Variants in ZNF804B observed in about 807,000 individuals in gnomAD.
ZNF804B encodes zinc finger protein 804B.
A neutral mutation model predicts 101.4 loss-of-function variants in ZNF804B; 80 were observed. The observed-to-expected ratio is 0.79, with a 90% confidence interval of 0.66 to 0.95. ZNF804B has a LOEUF of 0.95. Ranked by LOEUF, ZNF804B falls within the 40% of genes least tolerant of loss-of-function variation. ZNF804B has a pLI of 0.00. For synonymous variants in ZNF804B, 622 were observed against 558.8 expected (o/e 1.11, Z -1.59); for missense variants, 1,673 against 1,561.9 (o/e 1.07, Z -1.20).
chr7:88,810,343 T>C (rs77681874), intron 1 of ZNF804B, among the ~76,000 whole-genome samples: 3,198 of 151,996 alleles, frequency 0.021, 105 homozygotes, highest in African/African-American at 0.073. Flanking sequence ...TTAAAGACAA[T>C]GTAAAAGTGT....
intron 1 of ZNF804B, among the ~76,000 whole-genome samples, chr7:88,854,728 A>G (rs1284844624): frequency 6.8e-6 from 1 of 146,900 alleles, no homozygotes; most frequent in East Asian, 2.1e-4. Flanking sequence ...AACATTAGGT[A>G]TATCTCCTAA....
At chr7:88,942,346 A>C (rs369340780) in intron 1 of ZNF804B, among the ~76,000 whole-genome samples, 1 of 152,010 alleles carries the variant, frequency 6.6e-6, no homozygotes, top group South Asian at 2.1e-4. Context: ...GTGCTATTAT[A>C]GTTTTCATAA....
chr7:88,786,580 T>C (rs1790306202), intron 1 of ZNF804B, among the ~76,000 whole-genome samples: 1 of 152,102 alleles, frequency 6.6e-6, no homozygotes. Flanking sequence ...TTTTCTTTCC[T>C]AGGAGTTCCT....
chr7:88,887,595 T>C (rs1792147665), intron 1 of ZNF804B, among the ~76,000 whole-genome samples: 1 of 152,168 alleles, frequency 6.6e-6, no homozygotes, highest in Non-Finnish European at 1.5e-5. Flanking sequence ...TGTGCAGCCT[T>C]ATTTCTGAGC....
chr7:89,221,691 T>TTTCTATTCTG (rs1789005681), intron 2 of ZNF804B, among the ~76,000 whole-genome samples: 1 of 142,500 alleles, frequency 7.0e-6, no homozygotes, highest in South Asian at 2.3e-4. Context: ...TTCCTCAATA[T>TTTCTATTCTG]TTCTATTCTA....
At chr7:89,085,715 T>C (rs1789788886) in intron 1 of ZNF804B, among the ~76,000 whole-genome samples, 1 of 151,968 alleles carries the variant, frequency 6.6e-6, no homozygotes, top group African/African-American at 2.4e-5. Context: ...AGGTAAGTAA[T>C]TGTCTTCTGA....
chr7:88,919,516 T>A (rs1792688781), intron 1 of ZNF804B, among the ~76,000 whole-genome samples: 1 of 152,116 alleles, frequency 6.6e-6, no homozygotes, highest in Admixed American at 6.6e-5. Context: ...GCACTCTCTA[T>A]TAAAACAAAG....
intron 1 of ZNF804B, among the ~76,000 whole-genome samples, chr7:88,867,968 T>A (rs1791757672): frequency 6.6e-6 from 1 of 152,072 alleles, no homozygotes; most frequent in South Asian, 2.1e-4. Context: ...TACTAATATA[T>A]AATGTCTGTT....
chr7:89,156,054 TTC>T (rs1199842894), intron 1 of ZNF804B, among the ~76,000 whole-genome samples: 5 of 74,790 alleles, frequency 6.7e-5, no homozygotes, highest in Admixed American at 6.2e-4. Context: ...CTTTCTTTCT[TTC>T]TTTCTTTCTT....
chr7:88,981,538 C>G (rs1470710462), intron 1 of ZNF804B, among the ~76,000 whole-genome samples: 3 of 152,056 alleles, frequency 2.0e-5, no homozygotes, highest in Non-Finnish European at 4.4e-5. Context: ...TCCAAGTCCA[C>G]TGGCTCTGAA....
intron 2 of ZNF804B, among the ~76,000 whole-genome samples, chr7:89,289,186 A>G (rs568481671): frequency 6.0e-4 from 91 of 152,314 alleles, no homozygotes; most frequent in African/African-American, 2.1e-3. Context: ...CAAAACAGGT[A>G]GAAGAAATTT....
intron 1 of ZNF804B, among the ~76,000 whole-genome samples, chr7:88,858,761 A>G (rs1791607939): frequency 6.6e-6 from 1 of 152,160 alleles, no homozygotes; most frequent in Non-Finnish European, 1.5e-5. Flanking sequence ...GCGTGGATAA[A>G]CATAGTTATT....
At chr7:89,245,046 C>T (rs1789423335) in intron 2 of ZNF804B, among the ~76,000 whole-genome samples, 1 of 152,052 alleles carries the variant, frequency 6.6e-6, no homozygotes, top group African/African-American at 2.4e-5. Flanking sequence ...ATCTCATGGA[C>T]AAAATTCACA....
chr7:88,877,378 G>A (rs1791969732), intron 1 of ZNF804B, among the ~76,000 whole-genome samples: 1 of 151,780 alleles, frequency 6.6e-6, no homozygotes, highest in African/African-American at 2.4e-5. Context: ...TTAGAAAGAA[G>A]CAATTTGGAA....
chr7:89,052,855 T>A (rs1435638291), intron 1 of ZNF804B, among the ~76,000 whole-genome samples: 1 of 152,162 alleles, frequency 6.6e-6, no homozygotes, highest in Non-Finnish European at 1.5e-5. Context: ...AGTTTAAGAG[T>A]GTATGAACAC....
In ZNF804B at chr7:89,155,618, G is replaced by A. The variant is rs1232615078; in HGVS notation, c.109-62537G>A. Among the ~76,000 whole-genome samples the A allele has an allele frequency of 2.0e-5, 3 of 152,098 alleles. No homozygotes were observed. The South Asian group carries it at 6.2e-4, about 32-fold the overall frequency. ...GAATCAGGTATGTATCATGGCAAATGGGGGCCCTTCATTATCTGGCTCTGT... is the reference window on the plus strand; with the variant it reads ...GAATCAGGTATGTATCATGGCAAATAGGGGCCCTTCATTATCTGGCTCTGT... On this transcript the variant is annotated intron_variant, in intron 1 of 3. Coordinates refer to ENST00000333190, the MANE Select transcript of ZNF804B (RefSeq NM_181646.5).
chr7:88,826,094 A>T (rs1791047798), intron 1 of ZNF804B, among the ~76,000 whole-genome samples: 1 of 152,206 alleles, frequency 6.6e-6, no homozygotes, highest in African/African-American at 2.4e-5. Flanking sequence ...TTGAAGTGAT[A>T]AACGAATTAT....
chr7:88,851,833 A>G (rs1338129067), intron 1 of ZNF804B, among the ~76,000 whole-genome samples: 1 of 152,144 alleles, frequency 6.6e-6, no homozygotes, highest in Non-Finnish European at 1.5e-5. Context: ...GAAATGTGTG[A>G]AAACAGTGAT....
intron 1 of ZNF804B, among the ~76,000 whole-genome samples, chr7:89,070,816 T>G (rs114149258): frequency 0.01 from 1,543 of 152,126 alleles, 24 homozygotes; most frequent in African/African-American, 0.035. Context: ...CGCTGCCCCT[T>G]AATGGGCATT....
Sources: gnomAD v4.1 joint callset for allele counts (sites outside exome capture counted in the v4.1 genomes callset) on GRCh38, gnomAD v4.1.1 for gene constraint, MANE v1.5 for transcripts, NCBI Gene and HGNC (gene_info 2026-07-23, HGNC 2026-07-21) for gene names.